Variants in ROBO2 observed in about 807,000 individuals in gnomAD.
ROBO2 encodes roundabout guidance receptor 2.
In ROBO2, 53 loss-of-function variants were observed where a neutral mutation model predicts 160.8. The observed-to-expected ratio is 0.33, with a 90% CI of 0.26 to 0.41. ROBO2 has a LOEUF of 0.41. Among genes scored for constraint, ROBO2 ranks in the 10% least tolerant of loss-of-function variants. The pLI is 1.00. For synonymous variants in ROBO2, 664 were observed against 611.7 expected, an observed-to-expected ratio of 1.09 and a Z score of -1.26; for missense variants, 1,577 against 1,722.4, an observed-to-expected ratio of 0.92 and a Z score of 1.49.
chr3:77,544,522 A>G (rs539656082), intron 6 of ROBO2, among the ~76,000 whole-genome samples: 2 of 152,254 alleles, frequency 1.3e-5, no homozygotes, highest in Non-Finnish European at 2.9e-5. Context: ...ACACCAAAAA[A>G]TAAGTCAATA....
chr3:76,269,480 A>C (rs1391293360), intron 2 of ROBO2, among the ~76,000 whole-genome samples: 1 of 151,978 alleles, frequency 6.6e-6, no homozygotes, highest in Non-Finnish European at 1.5e-5. Context: ...CCCCCACTAG[A>C]TGATGAACTT....
intron 2 of ROBO2, among the ~76,000 whole-genome samples, chr3:77,448,281 G>C (rs1255029084): frequency 6.6e-6 from 1 of 152,088 alleles, no homozygotes; most frequent in Admixed American, 6.6e-5. Context: ...ATTACTATGA[G>C]GGGAGAGTAG....
intron 2 of ROBO2, among the ~76,000 whole-genome samples, chr3:76,250,531 TATA>T: frequency 6.6e-6 from 1 of 152,160 alleles, no homozygotes; most frequent in South Asian, 2.1e-4. Flanking sequence ...GCCATATCTT[TATA>T]ATAGTCTCCA....
At chr3:76,047,225 T>A (rs965479012) in intron 2 of ROBO2, among the ~76,000 whole-genome samples, 1 of 152,172 alleles carries the variant, frequency 6.6e-6, no homozygotes, top group Non-Finnish European at 1.5e-5. Flanking sequence ...CTAATCCTAT[T>A]TCTCAGTGTA....
chr3:77,033,147 T>A (rs540923464), intron 2 of ROBO2, among the ~76,000 whole-genome samples: 2 of 152,174 alleles, frequency 1.3e-5, no homozygotes, highest in Non-Finnish European at 2.9e-5. Context: ...GCACTGCAAG[T>A]ACCAAAATGA....
At chr3:76,423,449 A>C (rs762020742) in intron 2 of ROBO2, among the ~76,000 whole-genome samples, 6 of 152,170 alleles carry the variant, frequency 3.9e-5, no homozygotes, top group Non-Finnish European at 2.9e-5. Flanking sequence ...GAGAAAACTG[A>C]GGCTGTCTAC....
intron 1 of ROBO2, among the ~76,000 whole-genome samples, chr3:77,071,294 A>C (rs1480068247): frequency 6.6e-6 from 1 of 152,194 alleles, no homozygotes; most frequent in African/African-American, 2.4e-5. Flanking sequence ...CGGAAAACTT[A>C]CATTTTAGAA....
chr3:76,090,177 T>A (rs573791716), intron 2 of ROBO2, among the ~76,000 whole-genome samples: 20 of 152,208 alleles, frequency 1.3e-4, no homozygotes, highest in Middle Eastern at 3.4e-3. Context: ...ATCAAAAAGC[T>A]AGGCTGGGTG....
Position 76,834,086 on chromosome 3 carries a change from C to CTTTCTTTCT in ROBO2, c.110-263925_110-263917dup, listed in dbSNP as rs1553651313. On this transcript the variant is annotated intron_variant, in intron 2 of 26. Coordinates refer to the ROBO2 transcript ENST00000487694. Reference sequence around the variant, plus strand: ...CTTTTCTTTCTTTCTTTCTTTCTTTCTTTCTTTCTTTCTTTCTTTCTTTCT... The same window carrying CTTTCTTTCT: ...CTTTTCTTTCTTTCTTTCTTTCTTTCTTTCTTTCTTTTCTTTCTTTCTTTCTTTCTTTCT... Among the ~76,000 whole-genome samples, 8 of 110,206 alleles carry CTTTCTTTCT rather than the reference C, an allele frequency of 7.3e-5. 1 individual carries two copies. Among genetic ancestry groups the CTTTCTTTCT allele is most frequent in the South Asian group, 2.9e-4 (1 of 3,392 alleles). The allele number at this position is 110,206 out of a possible 152,430, so 72.3% of individuals were successfully genotyped here. A position where few individuals can be genotyped will look rare whatever the true frequency, so the allele number is the denominator to read the frequency against.
At chr3:77,381,025 C>A (rs1268905907) in intron 2 of ROBO2, among the ~76,000 whole-genome samples, 1 of 152,082 alleles carries the variant, frequency 6.6e-6, no homozygotes, top group Non-Finnish European at 1.5e-5. Flanking sequence ...ATAATCAGGA[C>A]AGCATTTTGG....
At chr3:76,176,332 G>T (rs923079391) in intron 2 of ROBO2, among the ~76,000 whole-genome samples, 1 of 151,704 alleles carries the variant, frequency 6.6e-6, no homozygotes, top group Non-Finnish European at 1.5e-5. Flanking sequence ...GTATTATTAT[G>T]CAGAAAACAT....
chr3:76,056,540 A>G (rs2067854374), intron 2 of ROBO2, among the ~76,000 whole-genome samples: 1 of 152,182 alleles, frequency 6.6e-6, no homozygotes, highest in Non-Finnish European at 1.5e-5. Flanking sequence ...TAAAATACTG[A>G]AGTTTTGTTG....
intron 2 of ROBO2, among the ~76,000 whole-genome samples, chr3:75,992,876 TAA>T (rs1163275488): frequency 1.3e-5 from 2 of 152,224 alleles, no homozygotes; most frequent in African/African-American, 4.8e-5. Flanking sequence ...TTTGGAGCTT[TAA>T]GTTTTAACTG....
chr3:76,174,921 G>T (rs1209421729), intron 2 of ROBO2, among the ~76,000 whole-genome samples: 1 of 152,072 alleles, frequency 6.6e-6, no homozygotes, highest in Non-Finnish European at 1.5e-5. Flanking sequence ...TAGCTTGATG[G>T]GAATAGCATT....
chr3:75,997,960 C>G (rs1484415746), intron 2 of ROBO2, among the ~76,000 whole-genome samples: 2 of 152,122 alleles, frequency 1.3e-5, no homozygotes, highest in African/African-American at 4.8e-5. Context: ...CTAATACCCT[C>G]TATTTCCAAA....
At chr3:76,899,249 TA>T (rs1224945217) in intron 2 of ROBO2, among the ~76,000 whole-genome samples, 1 of 152,114 alleles carries the variant, frequency 6.6e-6, no homozygotes, top group Non-Finnish European at 1.5e-5. Context: ...AACTGTTATC[TA>T]AGAGAACAAA....
At chr3:77,054,139 G>A (rs976427365) in intron 1 of ROBO2, among the ~76,000 whole-genome samples, 29 of 152,126 alleles carry the variant, frequency 1.9e-4, no homozygotes, top group Non-Finnish European at 2.9e-5. Flanking sequence ...CACTAGAGAA[G>A]GATTTTCCAT....
intron 2 of ROBO2, among the ~76,000 whole-genome samples, chr3:76,471,183 G>T (rs566752618): frequency 3.9e-5 from 6 of 152,026 alleles, no homozygotes; most frequent in African/African-American, 1.4e-4. Flanking sequence ...TGAGGGCAGC[G>T]ACAAACTATT....
intron 2 of ROBO2, among the ~76,000 whole-genome samples, chr3:76,034,914 T>G (rs1559853544): frequency 1.3e-5 from 2 of 152,116 alleles, no homozygotes; most frequent in East Asian, 3.9e-4. Flanking sequence ...TTCAGCGCTC[T>G]CTGTTGTATC....
Sources: allele counts gnomAD v4.1 joint callset (sites outside exome capture counted in the v4.1 genomes callset), GRCh38; gene constraint gnomAD v4.1.1; transcripts MANE v1.5; gene names NCBI Gene and HGNC (gene_info 2026-07-23, HGNC 2026-07-21).